Variants in ZNF28 observed in about 807,000 individuals in gnomAD.
ZNF28 encodes zinc finger protein 28.
In ZNF28, 5 loss-of-function variants were observed where a neutral mutation model predicts 7.2. The observed-to-expected ratio is 0.70, with a 90% confidence interval of 0.36 to 1.46. The LOEUF is 1.46. ZNF28 is among the 40% of genes most tolerant of loss of function. The probability of loss-of-function intolerance (pLI) is 0.03; values close to 1 mark genes in which losing one functional copy is unlikely to be tolerated. For missense variants in ZNF28, 879 were observed against 866.6 expected, an observed-to-expected ratio of 1.01 and a Z score of -0.18; for synonymous variants, 288 against 292.4, an observed-to-expected ratio of 0.99 and a Z score of 0.15.
intron 1 of ZNF28, among the ~76,000 whole-genome samples, chr19:52,820,563 A>T (rs1281169716): frequency 2.0e-5 from 3 of 151,810 alleles, no homozygotes; most frequent in Admixed American, 6.6e-5. Context: ...GGCACCCCAG[A>T]TCCCCAGGTG....
rs891331144 is a variant in ZNF28, at chr19:52,797,875, C to G, written c.*1813G>C. 4 of 152,134 alleles carry G rather than the reference C, an allele frequency of 2.6e-5. No homozygotes were observed. 9.4% of individuals were successfully genotyped at this position (152,134 alleles called of 1,614,324 possible). ...CGGTGGCTCACGCCCATAATCTCAGCACTTCGGGAGGTAGAGGTGGGTGAA... is the reference window on the plus strand; with the variant it reads ...CGGTGGCTCACGCCCATAATCTCAGGACTTCGGGAGGTAGAGGTGGGTGAA... On this transcript the variant is annotated 3_prime_UTR_variant, in exon 4 of 4. Transcript: ENST00000457749.
At chr19:52,820,635 A>C (rs12983993) in intron 1 of ZNF28, among the ~76,000 whole-genome samples, 16,452 of 149,648 alleles carry the variant, frequency 0.11, 672 homozygotes, top group African/African-American at 0.23. Context: ...GCTCTGTCTG[A>C]CCCGGCTCCA....
At chr19:52,804,342 C>A (rs551759859) in intron 3 of ZNF28, among the ~76,000 whole-genome samples, 1 of 152,136 alleles carries the variant, frequency 6.6e-6, no homozygotes, top group Admixed American at 6.6e-5. Context: ...ATCACCCAGG[C>A]TGGAGTGTAG....
intron 2 of ZNF28, among the ~76,000 whole-genome samples, chr19:52,815,237 C>T (rs113614634): frequency 0.059 from 8,529 of 144,910 alleles, 1,152 homozygotes; most frequent in African/African-American, 0.12. Context: ...CTATTGGGCC[C>T]GGGCACAGTG....
intron 3 of ZNF28, chr19:52,805,989 ATAAAG>A (rs1245242042): frequency 1.3e-5 from 2 of 152,200 alleles, no homozygotes; most frequent in South Asian, 2.1e-4. Flanking sequence ...TCATAAATAC[ATAAAG>A]TAATTAATTA....
chr19:52,815,473 T>C (rs2147677859), intron 2 of ZNF28, among the ~76,000 whole-genome samples: 1 of 142,214 alleles, frequency 7.0e-6, no homozygotes, highest in African/African-American at 2.8e-5. Flanking sequence ...GCCGAGATCA[T>C]GCCATAATAC....
rs1419240872 is a variant in ZNF28 at position 52,801,197 on chromosome 19, T to G, written c.648A>C (p.Gln216His). The part of the protein sequence containing the change: ...RNVHMREKSF[Q>H]CIESGKSFNC... ...TAAAGGATTTGCCACTCTCAATACA[T>G]TGGAAAGATTTTTCTCTCATGTGTA... Residue 216 changes from glutamine (Q) to histidine (H), a missense_variant, in exon 4 of 4, where the codon CAA becomes CAC. Around this residue, in one of 2 missense-constraint regions of ZNF28, gnomAD observed 864 missense variants for 830.2 expected, o/e 1.04. Transcript: ENST00000457749. 2.5e-6 allele frequency: 4 copies of G among 1,614,146 alleles called. No homozygotes were observed. Among genetic ancestry groups the G allele is most frequent in the African/African-American group, 1.3e-5 (1 of 75,044 alleles).
Position 52,800,507 on chromosome 19 carries a change from C to T in ZNF28, c.1338G>A (p.Lys446=). ...CAAGAGTTGATTGTTGATTAAAAAC[C>T]TTGCCACATTCATTACACTTGTAAG... ...EKPYKCNECG[K]VFNQQSTLAR... The change falls in exon 4 of 4, where the codon AAG becomes AAA. Residue 446 remains lysine, a synonymous_variant. Coordinates refer to ENST00000457749, the MANE Select transcript of ZNF28 (RefSeq NM_006969.5). The T allele has an allele frequency of 6.2e-7, 1 of 1,613,570 alleles. No individual in the cohort carries two copies. The highest frequency in any genetic ancestry group is 8.5e-7 in the Non-Finnish European group (1 of 1,179,878).
chr19:52,803,774 T>C (rs2062902820), intron 3 of ZNF28, among the ~76,000 whole-genome samples: 1 of 151,538 alleles, frequency 6.6e-6, no homozygotes, highest in Non-Finnish European at 1.5e-5. Context: ...CTGGGCAACA[T>C]GGTGAAACCC....
chr19:52,803,059 C>A (rs1274598353), intron 3 of ZNF28, among the ~76,000 whole-genome samples: 1 of 151,052 alleles, frequency 6.6e-6, no homozygotes, highest in East Asian at 2.0e-4. Context: ...CCGCACACGG[C>A]CGACTTTTAA....
chr19:52,817,911 A>T, intron 2 of ZNF28, 33 bp downstream of exon 2: 1 of 1,609,976 alleles, frequency 6.2e-7, no homozygotes, highest in Non-Finnish European at 8.5e-7. Flanking sequence ...GAAAGGAAGG[A>T]GACAGAGCAA....
chr19:52,814,277 T>A lies in ZNF28; in HGVS notation c.15+3667A>T, dbSNP rs1600474147. ...ATATACACATCGTGTGATGTTTAAATATAACCATATATATTTAATAACAAT... is the reference window on the plus strand; with the variant it reads ...ATATACACATCGTGTGATGTTTAAAAATAACCATATATATTTAATAACAAT... On this transcript the variant is annotated intron_variant, in intron 2 of 3. Transcript: ENST00000457749. The A allele has an allele frequency of 1.4e-5, 2 of 145,848 alleles. 1 individual carries two copies. Among genetic ancestry groups the A allele is most frequent in the African/African-American group, 5.4e-5 (2 of 37,340 alleles). The allele number at this position is 145,848 out of a possible 1,614,324, so 9.0% of individuals were successfully genotyped here.
chr19:52,807,816 C>T (rs2062955289), intron 3 of ZNF28, 191 bp downstream of exon 3: 1 of 998,382 alleles, frequency 1.0e-6, no homozygotes, highest in Non-Finnish European at 1.4e-6. Context: ...GGAAGCTCCA[C>T]TGAGCTATCA....
chr19:52,809,724 T>TA, intron 2 of ZNF28: 1 of 404,070 alleles, frequency 2.5e-6, no homozygotes, highest in Non-Finnish European at 4.4e-6. Flanking sequence ...CAAAACGCTT[T>TA]AACCCAGGAG....
intron 2 of ZNF28, among the ~76,000 whole-genome samples, chr19:52,817,655 C>A (rs1031813612): frequency 2.0e-5 from 3 of 152,116 alleles, no homozygotes; most frequent in African/African-American, 7.2e-5. Flanking sequence ...CCTGAACAAA[C>A]CCTGCTGCCC....
chr19:52,801,646 C>G lies in ZNF28; in HGVS notation c.199G>C (p.Glu67Gln). Residue 67 changes from glutamate to glutamine, a missense_variant, in exon 4 of 4, where the codon GAA (glutamate) becomes CAA (glutamine). Coordinates refer to ENST00000457749, the MANE Select transcript of ZNF28 (RefSeq NM_006969.5). ...TGCAATGTCCCTGTGTGGAACGCTT[C>G]TGTATTGCCTTGCCCTGTTGAGAAG... Reference protein sequence around the residue: ...TFFSTGQGNTEAFHTGTLQRQ... With the variant: ...TFFSTGQGNTQAFHTGTLQRQ... 6.2e-7 allele frequency: 1 copy of G among 1,613,454 alleles called. No individual in the cohort carries two copies. The highest frequency in any genetic ancestry group is 8.5e-7 in the Non-Finnish European group (1 of 1,179,690).
rs901520016 is a variant in ZNF28 at position 52,815,637 on chromosome 19, C to A, written c.15+2307G>T. The stretch of plus-strand genomic sequence containing the variant: ...CAGGAGATCGAGACCATCCTGGCTA[C>A]CACAATGAAACCCCATCTCTACTAA... On this transcript the variant is annotated intron_variant, in intron 2 of 3. Transcript: ENST00000457749. Among the ~76,000 whole-genome samples the A allele has an allele frequency of 4.4e-4, 65 of 146,248 alleles. 5 individuals carry two copies. The highest frequency in any genetic ancestry group is 3.5e-3 in the Middle Eastern group (1 of 288).
chr19:52,801,650 A>G lies in ZNF28; in HGVS notation c.195T>C (p.Asn65=), dbSNP rs751899692. 1 of 1,613,524 alleles carries G rather than the reference A, an allele frequency of 6.2e-7. No homozygotes were observed. Among genetic ancestry groups the G allele is most frequent in the Non-Finnish European group, 8.5e-7 (1 of 1,179,732 alleles). The change falls in exon 4 of 4, where the codon AAT becomes AAC. Residue 65 remains asparagine, a synonymous_variant. Coordinates refer to ENST00000457749, the MANE Select transcript of ZNF28 (RefSeq NM_006969.5). ...MKTFFSTGQG[N]TEAFHTGTLQ... is the part of the protein sequence containing the mutation. ...ATGTCCCTGTGTGGAACGCTTCTGT[A>G]TTGCCTTGCCCTGTTGAGAAGAATG... is the stretch of plus-strand genomic sequence containing the variant.
rs1423781232 is a variant in ZNF28 at position 52,799,416 on chromosome 19, T to C, written c.*272A>G. The C allele has an allele frequency of 5.8e-6, 4 of 687,972 alleles. No homozygotes were observed. Among genetic ancestry groups the C allele is most frequent in the Non-Finnish European group, 7.5e-6 (3 of 398,728 alleles). 42.6% of individuals were successfully genotyped at this position (687,972 alleles called of 1,614,324 possible). A position where few individuals can be genotyped will look rare whatever the true frequency, so the allele number is the denominator to read the frequency against. ...AAGGTTTGATTTGCAACCGAAAACT[T>C]TGTCACATTCTTCCTATTTGTAAAG... On this transcript the variant is annotated 3_prime_UTR_variant, in exon 4 of 4. Transcript: ENST00000457749.
Sources: allele counts gnomAD v4.1 joint callset (sites outside exome capture counted in the v4.1 genomes callset), GRCh38; gene constraint gnomAD v4.1.1; regional missense constraint gnomAD v4.1.1; transcripts MANE v1.5; gene names NCBI Gene and HGNC (gene_info 2026-07-23, HGNC 2026-07-21).